The following SYNE1 variants were observed in gnomAD, a reference collection of about 807,000 sequenced individuals.
The protein encoded by SYNE1 is nesprin-1.
A neutral mutation model predicts 1,111.0 loss-of-function variants in SYNE1; 616 were observed. The observed-to-expected ratio is 0.55, with a 90% CI of 0.52 to 0.59. SYNE1 has a LOEUF of 0.59. SYNE1 is among the 20% of genes least tolerant of loss of function. The pLI is 0.00. For missense variants in SYNE1, 10,006 were observed against 10,417.0 expected (o/e 0.96, Z 1.72); for synonymous variants, 3,855 against 3,825.8 (o/e 1.01, Z -0.28).
intron 130 of SYNE1, among the ~76,000 whole-genome samples, chr6:152,174,709 C>CA: frequency 6.6e-6 from 1 of 152,182 alleles, no homozygotes; most frequent in Non-Finnish European, 1.5e-5. Context: ...CTGTGCCACA[C>CA]AATGTGTGCG....
chr6:152,252,828 T>C (rs2089718684), intron 104 of SYNE1, among the ~76,000 whole-genome samples: 1 of 152,220 alleles, frequency 6.6e-6, no homozygotes, highest in Admixed American at 6.5e-5. Context: ...GAGAACGTGA[T>C]TTAAAGAGAA....
At chr6:152,451,568 C>T (rs893658649) in intron 25 of SYNE1, among the ~76,000 whole-genome samples, 2 of 148,990 alleles carry the variant, frequency 1.3e-5, no homozygotes, top group African/African-American at 5.0e-5. Context: ...CTGCAACCTC[C>T]ACATCCTGGG....
chr6:152,437,422 T>C (rs2098483696), intron 32 of SYNE1, among the ~76,000 whole-genome samples: 3 of 152,212 alleles, frequency 2.0e-5, no homozygotes, highest in African/African-American at 7.2e-5. Context: ...AGCATTCTAT[T>C]AGCAATCTTA....
chr6:152,484,595 T>C (rs2098929661), intron 13 of SYNE1, among the ~76,000 whole-genome samples: 1 of 152,070 alleles, frequency 6.6e-6, no homozygotes, highest in Admixed American at 6.5e-5. Flanking sequence ...TATCATCTAG[T>C]TAATTGCTGA....
chr6:152,399,695 T>C lies in SYNE1; in HGVS notation c.7158A>G (p.Ile2386Met). The C allele has an allele frequency of 6.2e-7, 1 of 1,614,180 alleles. No homozygotes were observed. The highest frequency in any genetic ancestry group is 8.5e-7 in the Non-Finnish European group (1 of 1,180,016). The change falls in exon 48 of 146, where the codon ATA (isoleucine) becomes ATG (methionine). Residue 2386 changes from isoleucine to methionine, a missense_variant. This residue lies in a region of SYNE1 where 4,955 missense variants were observed against 5,017.2 expected (regional missense o/e 0.99). Coordinates refer to ENST00000367255, the MANE Select transcript of SYNE1 (RefSeq NM_182961.4). ...ACTGGCTCACGGCTTCATGTTTCTT[T>C]ATCAGACCAGTCATTGCACGGCCCA... ...ESLGRAMTGL[I>M]KKHEAVSQLC...
chr6:152,284,525 C>G (rs2094212461), intron 95 of SYNE1, among the ~76,000 whole-genome samples: 1 of 151,394 alleles, frequency 6.6e-6, no homozygotes, highest in Non-Finnish European at 1.5e-5. Flanking sequence ...GTGGTATGAT[C>G]ACAGCTCACT....
At chr6:152,220,274 G>T (rs2079837757) in intron 119 of SYNE1, among the ~76,000 whole-genome samples, 1 of 152,130 alleles carries the variant, frequency 6.6e-6, no homozygotes, top group Non-Finnish European at 1.5e-5. Flanking sequence ...AGGACAAATA[G>T]TAAGAGCCAT....
Position 152,409,201 on chromosome 6 carries a change from T to C in SYNE1, c.6407A>G (p.Asn2136Ser), listed in dbSNP as rs754275815. The change falls in exon 44 of 146, where the codon AAT becomes AGT. Residue 2136 changes from asparagine (N) to serine (S), a missense_variant. Transcript: ENST00000367255. ...GTTATCCAAGTCTTTCTGTTTGTAA[T>C]TCATTTTGTTCTTGGCAGTTTCATG... ...SKHETAKNKM[N>S]YKQKDLDNFT... is the part of the protein sequence containing the mutation. The C allele has an allele frequency of 7.4e-6, 12 of 1,614,166 alleles. No homozygotes were observed. Among genetic ancestry groups the C allele is most frequent in the Middle Eastern group, 1.6e-4 (1 of 6,062 alleles).
In SYNE1 at chr6:152,256,431, A is replaced by AAAAT. The variant is rs3038206; in HGVS notation, c.19104+199_19104+202dup. ...GGTGACAGAGTGAGACTCGGTCTAA[A>AAAAT]AAATAAATAAATAAATAAATAAATA... On this transcript the variant is annotated intron_variant, in intron 102 of 145. Transcript: ENST00000367255. 0.15 allele frequency among the ~76,000 whole-genome samples: 22,158 copies of AAAAT among 146,908 alleles called. 1,975 individuals carry two copies. Among genetic ancestry groups the AAAAT allele is most frequent in the African/African-American group, 0.23 (9,151 of 39,266 alleles).
At chr6:152,420,984 C>T (rs945157905) in intron 39 of SYNE1, among the ~76,000 whole-genome samples, 7 of 152,176 alleles carry the variant, frequency 4.6e-5, no homozygotes, top group Non-Finnish European at 1.0e-4. Context: ...TGTTTTGTCA[C>T]AGGACACAAT....
intron 46 of SYNE1, chr6:152,402,801 G>A (rs1185878910): frequency 1.3e-5 from 2 of 152,536 alleles, no homozygotes; most frequent in African/African-American, 4.8e-5. Flanking sequence ...GAGAAAGGAA[G>A]AAAGAGAAGA....
In SYNE1 at chr6:152,206,122, A is replaced by G. The variant is rs1200090698; in HGVS notation, c.23019+46T>C. Reference sequence around the variant, plus strand: ...AATAACAATGGGAGGAAGTAGTACAACGACTAAAAGGGTTTTTTGGTTCGT... The same window carrying G: ...AATAACAATGGGAGGAAGTAGTACAGCGACTAAAAGGGTTTTTTGGTTCGT... On this transcript the variant is annotated intron_variant, in intron 126 of 145. Transcript: ENST00000367255. The G allele has an allele frequency of 1.5e-5, 23 of 1,579,652 alleles. 1 individual carries two copies. In the Admixed American group the frequency reaches 3.9e-4, roughly 27 times the overall value.
At chr6:152,154,632 C>T (rs1017264668) in intron 133 of SYNE1, among the ~76,000 whole-genome samples, 5 of 152,118 alleles carry the variant, frequency 3.3e-5, no homozygotes, top group Non-Finnish European at 5.9e-5. Flanking sequence ...GGAGGAATCA[C>T]GATTCTTCTT....
At chr6:152,538,583 C>T (rs569726985) in intron 4 of SYNE1, among the ~76,000 whole-genome samples, 12 of 151,108 alleles carry the variant, frequency 7.9e-5, no homozygotes, top group South Asian at 6.2e-4. Flanking sequence ...TTTTCAATTA[C>T]GTAACCTCTG....
intron 27 of SYNE1, 43 bp from the exon 28 acceptor site, chr6:152,449,684 C>A: frequency 7.4e-7 from 1 of 1,355,960 alleles, no homozygotes; most frequent in Non-Finnish European, 1.1e-6. Flanking sequence ...GAGAACATAC[C>A]AGAATGATCA....
chr6:152,157,581 C>T (rs2061616613), intron 131 of SYNE1, among the ~76,000 whole-genome samples: 1 of 152,130 alleles, frequency 6.6e-6, no homozygotes, highest in Non-Finnish European at 1.5e-5. Context: ...ACATTCCCAA[C>T]ACATAGAAAT....
At chr6:152,469,424 C>T (rs2098792251) in intron 16 of SYNE1, among the ~76,000 whole-genome samples, 1 of 151,948 alleles carries the variant, frequency 6.6e-6, no homozygotes, top group Non-Finnish European at 1.5e-5. Context: ...GTAGCTAAAC[C>T]ATGACCAAAC....
At chr6:152,516,971 AC>A (rs1350200980) in intron 6 of SYNE1, among the ~76,000 whole-genome samples, 1 of 152,186 alleles carries the variant, frequency 6.6e-6, no homozygotes, top group African/African-American at 2.4e-5. Context: ...AAGAAGAGAA[AC>A]CCTTCAATAA....
intron 6 of SYNE1, 117 bp from the exon 7 acceptor site, chr6:152,511,220 G>T: frequency 2.3e-6 from 2 of 871,706 alleles, no homozygotes; most frequent in Non-Finnish European, 3.7e-6. Context: ...CTATGTAATA[G>T]TACATGGGAG....
Sources: allele counts gnomAD v4.1 joint callset (sites outside exome capture counted in the v4.1 genomes callset), GRCh38; gene constraint gnomAD v4.1.1; regional missense constraint gnomAD v4.1.1; transcripts MANE v1.5; gene names NCBI Gene and HGNC (gene_info 2026-07-23, HGNC 2026-07-21).